The following PDE10A variants were observed in gnomAD, a reference collection of about 807,000 sequenced individuals.
PDE10A encodes the protein cAMP and cAMP-inhibited cGMP 3',5'-cyclic phosphodiesterase 10A.
Under a neutral mutation model 97.7 loss-of-function variants are expected in PDE10A, and 39 were observed. The observed-to-expected ratio is 0.40, with a 90% CI of 0.31 to 0.52. PDE10A has a LOEUF of 0.52. PDE10A is among the 20% of genes least tolerant of loss of function. PDE10A has a pLI of 0.56. For missense variants in PDE10A, 731 were observed against 1,047.8 expected, an observed-to-expected ratio of 0.70 and a Z score of 4.17; for synonymous variants, 371 against 376.8, an observed-to-expected ratio of 0.98 and a Z score of 0.18.
In PDE10A at chr6:165,777,923, A is replaced by T. The variant is rs1778234465; in HGVS notation, c.-615+209606T>A. ...CCTCCATCACTGAAATTTTGGGTTA[A>T]TCATTACCTCCTTTAAAAAAATAGT... is the stretch of plus-strand genomic sequence containing the variant. On this transcript the variant is annotated intron_variant, in intron 1 of 19. Coordinates refer to the PDE10A transcript ENST00000366882. Among the ~76,000 whole-genome samples, 4 of 152,050 alleles carry T rather than the reference A, an allele frequency of 2.6e-5. No homozygotes were observed. The South Asian group carries it at 8.3e-4, about 32-fold the overall frequency.
rs1321065143 is a variant in PDE10A at position 165,419,000 on chromosome 6, C to T, written c.1654-223G>A. ...TAACAGATCCCAACAGAATACACAG[C>T]GGATATGCATCCATACTGCTGTGCT... On this transcript the variant is annotated intron_variant, in intron 10 of 21. Coordinates refer to ENST00000539869, the MANE Select transcript of PDE10A (RefSeq NM_001385079.1). This position sits in a 1 kb window ranked among gnomAD's most constrained non-coding sequence, Gnocchi z 4.8. Among the ~76,000 whole-genome samples the T allele has an allele frequency of 6.6e-6, 1 of 152,186 alleles. No individual in the cohort carries two copies. Among genetic ancestry groups the T allele is most frequent in the Non-Finnish European group, 1.5e-5 (1 of 68,048 alleles).
intron 1 of PDE10A, among the ~76,000 whole-genome samples, chr6:165,839,958 T>TGC (rs1562762722): frequency 9.5e-5 from 11 of 116,034 alleles, no homozygotes; most frequent in South Asian, 2.5e-4. Context: ...CATCCCCATC[T>TGC]ACATCTCTGT....
chr6:165,577,182 A>C (rs1396969383), intron 1 of PDE10A, among the ~76,000 whole-genome samples: 1 of 152,230 alleles, frequency 6.6e-6, no homozygotes, highest in East Asian at 1.9e-4. Context: ...AATCTGAAGC[A>C]GGTTTCTCTT....
At chr6:165,720,988 G>A (rs1000145746) in intron 1 of PDE10A, among the ~76,000 whole-genome samples, 1 of 152,176 alleles carries the variant, frequency 6.6e-6, no homozygotes, top group African/African-American at 2.4e-5. Flanking sequence ...AGAATGTTGA[G>A]GACGTATGGA....
intron 2 of PDE10A, among the ~76,000 whole-genome samples, chr6:165,508,977 T>G (rs928008886): frequency 2.0e-5 from 3 of 151,994 alleles, no homozygotes; most frequent in Admixed American, 1.3e-4. Context: ...GTGCTTCCCA[T>G]CTTCACAGAT....
intron 1 of PDE10A, among the ~76,000 whole-genome samples, chr6:165,983,893 C>A (rs1785096607): frequency 6.6e-6 from 1 of 152,204 alleles, no homozygotes; most frequent in African/African-American, 2.4e-5. Context: ...GCTACCTGGC[C>A]TCCCGGTTTC....
At chr6:165,572,185 T>C (rs1004232537) in intron 1 of PDE10A, among the ~76,000 whole-genome samples, 3 of 152,236 alleles carry the variant, frequency 2.0e-5, no homozygotes, top group Non-Finnish European at 2.9e-5. Context: ...CTTGAAGAAA[T>C]GTGGAATTAT....
intron 1 of PDE10A, among the ~76,000 whole-genome samples, chr6:165,619,119 C>G (rs1265053240): frequency 8.2e-5 from 6 of 73,006 alleles, no homozygotes; most frequent in South Asian, 4.1e-4. Context: ...GTAGTGTAGT[C>G]TAGCATAGTC....
intron 13 of PDE10A, among the ~76,000 whole-genome samples, chr6:165,398,099 T>C (rs1232614736): frequency 6.6e-6 from 1 of 152,232 alleles, no homozygotes; most frequent in Non-Finnish European, 1.5e-5. Flanking sequence ...TTTAATACTT[T>C]TGGAGATAAT....
chr6:165,696,301 C>T (rs1017557917), intron 1 of PDE10A, among the ~76,000 whole-genome samples: 25 of 152,084 alleles, frequency 1.6e-4, no homozygotes, highest in Admixed American at 1.6e-3. Context: ...TCTGAAAATA[C>T]CGAATGAAAA....
intron 19 of PDE10A, among the ~76,000 whole-genome samples, chr6:165,342,108 T>G (rs1782007461): frequency 6.6e-6 from 1 of 152,230 alleles, no homozygotes; most frequent in South Asian, 2.1e-4. Context: ...TCATAGATTT[T>G]TGTATATTTT....
At chr6:165,362,673 C>A (rs983056458) in intron 18 of PDE10A, among the ~76,000 whole-genome samples, 43 of 152,162 alleles carry the variant, frequency 2.8e-4, no homozygotes, top group African/African-American at 1.0e-3. Context: ...ATAAACTCTT[C>A]CAAAAAAACA....
At chr6:165,522,763 G>A (rs1193374359) in intron 2 of PDE10A, among the ~76,000 whole-genome samples, 1 of 152,084 alleles carries the variant, frequency 6.6e-6, no homozygotes, top group Non-Finnish European at 1.5e-5. Context: ...AGTACTGGAT[G>A]ATGTAACCAG....
intron 1 of PDE10A, among the ~76,000 whole-genome samples, chr6:165,726,246 G>T (rs1792291639): frequency 6.6e-6 from 1 of 152,012 alleles, no homozygotes; most frequent in Non-Finnish European, 1.5e-5. Context: ...AACAAGGGAG[G>T]ATCCAGCAGT....
intron 1 of PDE10A, among the ~76,000 whole-genome samples, chr6:165,713,673 G>A (rs534874152): frequency 1.3e-5 from 2 of 152,288 alleles, no homozygotes; most frequent in East Asian, 3.9e-4. Flanking sequence ...AAAAATGTTC[G>A]ATCCAGTCCT....
chr6:165,931,845 T>C (rs1783146408), intron 1 of PDE10A, among the ~76,000 whole-genome samples: 1 of 152,152 alleles, frequency 6.6e-6, no homozygotes, highest in Non-Finnish European at 1.5e-5. Context: ...GCCCTCCTGC[T>C]ACACCCAGAG....
chr6:165,824,258 G>A (rs771938822), intron 1 of PDE10A, among the ~76,000 whole-genome samples: 26 of 152,068 alleles, frequency 1.7e-4, no homozygotes, highest in African/African-American at 5.6e-4. Context: ...CTTAATAGCC[G>A]TTCAGTTTTC....
chr6:165,411,081 C>T (rs540404342), intron 13 of PDE10A, among the ~76,000 whole-genome samples: 9 of 61,372 alleles, frequency 1.5e-4, no homozygotes, highest in African/African-American at 7.5e-4. Context: ...AGCGAGACTC[C>T]GCCTCAAAAA....
At chr6:165,914,689 G>A (rs1289660717) in intron 1 of PDE10A, among the ~76,000 whole-genome samples, 1 of 152,186 alleles carries the variant, frequency 6.6e-6, no homozygotes, top group Non-Finnish European at 1.5e-5. Context: ...CCAAGTGATT[G>A]CCAAAATGCA....
Sources: allele counts gnomAD v4.1 joint callset (sites outside exome capture counted in the v4.1 genomes callset), GRCh38; gene constraint gnomAD v4.1.1; non-coding constraint Gnocchi (gnomAD v3.1); transcripts MANE v1.5; gene names NCBI Gene and HGNC (gene_info 2026-07-23, HGNC 2026-07-21).